The following PTK7 variants were observed in gnomAD, a reference collection of about 807,000 sequenced individuals.
PTK7 encodes the protein inactive tyrosine-protein kinase 7.
Under a neutral mutation model 116.6 loss-of-function variants are expected in PTK7, and 39 were observed. The observed-to-expected ratio is 0.33, with a 90% CI of 0.26 to 0.44. PTK7 has a LOEUF of 0.44. Among genes scored for constraint, PTK7 ranks in the 20% least tolerant of loss-of-function variants. The pLI is 1.00. For missense variants in PTK7, 1,169 were observed against 1,425.6 expected, an observed-to-expected ratio of 0.82 and a Z score of 2.90; for synonymous variants, 546 against 563.6, an observed-to-expected ratio of 0.97 and a Z score of 0.44.
intron 1 of PTK7, among the ~76,000 whole-genome samples, chr6:43,098,186 TG>T (rs1315915334): frequency 6.6e-6 from 1 of 152,050 alleles, no homozygotes; most frequent in Non-Finnish European, 1.5e-5. Flanking sequence ...ACATGGACTT[TG>T]GGGGCCCTTA....
Position 43,160,984 on chromosome 6 carries a change from C to G in PTK7, c.*103C>G. On this transcript the variant is annotated 3_prime_UTR_variant, in exon 20 of 20. Transcript: ENST00000230419. Reference sequence around the variant, plus strand: ...CCTGTCCTCCTGGGCCCTGAGGCCCCTGCCCTAGTGCAACAGGCATTGCTG... The same window carrying G: ...CCTGTCCTCCTGGGCCCTGAGGCCCGTGCCCTAGTGCAACAGGCATTGCTG... 1 of 1,418,950 alleles carries G rather than the reference C, an allele frequency of 7.0e-7. No individual in the cohort carries two copies. 87.9% of individuals were successfully genotyped at this position (1,418,950 alleles called of 1,614,324 possible). A position where few individuals can be genotyped will look rare whatever the true frequency, so the allele number is the denominator to read the frequency against.
chr6:43,129,570 C>T lies in PTK7; in HGVS notation c.368-157C>T. On this transcript the variant is annotated intron_variant, in intron 2 of 19. Transcript: ENST00000230419. The surrounding 1 kb of genome is among the most constrained non-coding windows in gnomAD (Gnocchi z 4.5). ...CAGGGACCAGGCAGGCACTTAGTATCTGGTAACTGTAGCCCCAGCCTCAGC... is the reference window on the plus strand; with the variant it reads ...CAGGGACCAGGCAGGCACTTAGTATTTGGTAACTGTAGCCCCAGCCTCAGC... The T allele has an allele frequency of 2.8e-6, 2 of 704,464 alleles. No individual in the cohort carries two copies. The highest frequency in any genetic ancestry group is 4.7e-6 in the Non-Finnish European group (2 of 424,254). The allele number at this position is 704,464 out of a possible 1,614,324, so 43.6% of individuals were successfully genotyped here.
chr6:43,157,349 TATATATATA>T lies in PTK7; in HGVS notation c.2722-1467_2722-1459del, dbSNP rs1320400793. On this transcript the variant is annotated intron_variant, in intron 17 of 19. Transcript: ENST00000230419. ...CGCTATATATATATATATATATATA[TATATATATA>T]TATATATTTTTTTTTTTCTTTTTTT... 6.8e-3 allele frequency among the ~76,000 whole-genome samples: 78 copies of T among 11,466 alleles called. 8 individuals carry two copies. Among genetic ancestry groups the T allele is most frequent in the South Asian group, 0.019 (7 of 362 alleles). 7.5% of individuals were successfully genotyped at this position (11,466 alleles called of 152,430 possible). A position where few individuals can be genotyped will look rare whatever the true frequency, so the allele number is the denominator to read the frequency against.
intron 1 of PTK7, among the ~76,000 whole-genome samples, chr6:43,101,225 AAAAG>A (rs201965213): frequency 2.1e-3 from 306 of 146,354 alleles, no homozygotes; most frequent in Middle Eastern, 3.6e-3. Flanking sequence ...CAAAAAAAAA[AAAAG>A]AAAGAAAGAA....
At chr6:43,124,326 C>T (rs1769148803) in intron 1 of PTK7, among the ~76,000 whole-genome samples, 1 of 152,216 alleles carries the variant, frequency 6.6e-6, no homozygotes, top group Non-Finnish European at 1.5e-5. Context: ...TCCCTTACTT[C>T]CCAGCTCCTT....
Position 43,123,633 on chromosome 6 carries a change from C to T in PTK7, c.80-5344C>T, listed in dbSNP as rs555576595. Among the ~76,000 whole-genome samples, 16 of 152,194 alleles carry T rather than the reference C, an allele frequency of 1.1e-4. No homozygotes were observed. The East Asian group carries it at 2.7e-3, about 26-fold the overall frequency. ...GGGGGTGGAGGGCAGGCACGGGAGA[C>T]GCAGGCAGAGTGAGTGTCTGCATAT... On this transcript the variant is annotated intron_variant, in intron 1 of 19. Coordinates refer to ENST00000230419, the MANE Select transcript of PTK7 (RefSeq NM_002821.5).
intron 1 of PTK7, among the ~76,000 whole-genome samples, chr6:43,109,268 G>A (rs1439944338): frequency 1.3e-5 from 2 of 151,950 alleles, no homozygotes; most frequent in Non-Finnish European, 2.9e-5. Flanking sequence ...CTTGAACTCC[G>A]GGGCTCAAGC....
chr6:43,131,757 C>G (rs1769694871), intron 5 of PTK7: 10 of 529,428 alleles, frequency 1.9e-5, no homozygotes, highest in South Asian at 1.0e-4. Context: ...ATATCACTCT[C>G]TCTCGCACCT....
At chr6:43,108,957 G>T (rs1768046512) in intron 1 of PTK7, among the ~76,000 whole-genome samples, 2 of 152,142 alleles carry the variant, frequency 1.3e-5, no homozygotes, top group African/African-American at 4.8e-5. Context: ...AGATATAGCT[G>T]TTCAAGAAAG....
rs1181956938 is a variant in PTK7, at chr6:43,114,806, T to G, written c.80-14171T>G. Among the ~76,000 whole-genome samples, 3 of 152,034 alleles carry G rather than the reference T, an allele frequency of 2.0e-5. No individual in the cohort carries two copies. The East Asian group carries it at 5.8e-4, about 29-fold the overall frequency. On this transcript the variant is annotated intron_variant, in intron 1 of 19. Transcript: ENST00000230419. ...TTAAAAATAACTTCTTTGGGAGGTC[T>G]AGGCAGGCGGATTGCCTGAGGTCAG... is the stretch of plus-strand genomic sequence containing the variant.
At chr6:43,144,851 C>A in intron 15 of PTK7, 1 of 421,032 alleles carries the variant, frequency 2.4e-6, no homozygotes, top group Non-Finnish European at 4.1e-6. Flanking sequence ...TAAATTGACT[C>A]TTTAAAAAAA....
chr6:43,156,125 AGGC>A (rs1334720214), intron 17 of PTK7, among the ~76,000 whole-genome samples: 1 of 142,044 alleles, frequency 7.0e-6, no homozygotes, highest in Non-Finnish European at 1.5e-5. Context: ...GCTGCTTGGG[AGGC>A]TGAGGCACGA....
At position 43,076,474 on chromosome 6, in the gene PTK7, C is replaced by T. The variant is rs1036070114; in HGVS notation, c.-15C>T. 1.9e-6 allele frequency: 3 copies of T among 1,558,788 alleles called. No homozygotes were observed. Among genetic ancestry groups the T allele is most frequent in the African/African-American group, 1.4e-5 (1 of 70,640 alleles). On this transcript the variant is annotated 5_prime_UTR_variant, in exon 1 of 20. Coordinates refer to ENST00000230419, the MANE Select transcript of PTK7 (RefSeq NM_002821.5). The surrounding 1 kb of genome is among the most constrained non-coding windows in gnomAD (Gnocchi z 5.7). ...CCGCCGTGCGCCCTCAGCTCCTTTTCCTGAGCCCGCCGCGATGGGAGCTGC... is the reference window on the plus strand; with the variant it reads ...CCGCCGTGCGCCCTCAGCTCCTTTTTCTGAGCCCGCCGCGATGGGAGCTGC...
At chr6:43,147,572 AG>A (rs1238182096) in intron 17 of PTK7, among the ~76,000 whole-genome samples, 2 of 152,210 alleles carry the variant, frequency 1.3e-5, no homozygotes, top group East Asian at 3.8e-4. Context: ...CCTTTCTCCC[AG>A]GGGACCATTC....
Position 43,159,984 on chromosome 6 carries a change from T to C in PTK7, c.3052+18T>C. 1.2e-6 allele frequency: 2 copies of C among 1,607,122 alleles called. No homozygotes were observed. Among genetic ancestry groups the C allele is most frequent in the South Asian group, 1.1e-5 (1 of 89,954 alleles). On this transcript the variant is annotated intron_variant, in intron 19 of 19. Coordinates refer to ENST00000230419, the MANE Select transcript of PTK7 (RefSeq NM_002821.5). ...ACTGGCAGGTAGGCAGCCTTGCTGC[T>C]AGGGGATGATTCCAGATGGGCCCCA...
intron 1 of PTK7, among the ~76,000 whole-genome samples, chr6:43,110,021 G>C (rs1768106298): frequency 8.6e-6 from 1 of 116,358 alleles, no homozygotes; most frequent in Non-Finnish European, 1.7e-5. Context: ...TTTTGAGACA[G>C]AGTCTCGCTG....
intron 1 of PTK7, among the ~76,000 whole-genome samples, chr6:43,085,739 G>C (rs1766613118): frequency 1.3e-5 from 2 of 150,776 alleles, no homozygotes; most frequent in South Asian, 4.3e-4. Context: ...TTCGAGACCA[G>C]CCTGACCAAA....
At chr6:43,080,224 C>T (rs965103979) in intron 1 of PTK7, among the ~76,000 whole-genome samples, 6 of 151,458 alleles carry the variant, frequency 4.0e-5, no homozygotes, top group Non-Finnish European at 7.4e-5. Context: ...TGGTGGCAGG[C>T]GCCTGTAGTC....
chr6:43,116,656 G>GCGCA (rs879471153), intron 1 of PTK7, among the ~76,000 whole-genome samples: 2 of 127,724 alleles, frequency 1.6e-5, no homozygotes, highest in South Asian at 5.0e-4. Context: ...GTGTGTGCGC[G>GCGCA]CGCACGCACG....
Sources: gnomAD v4.1 joint callset for allele counts (sites outside exome capture counted in the v4.1 genomes callset) on GRCh38, gnomAD v4.1.1 for gene constraint, Gnocchi (gnomAD v3.1) non-coding constraint, MANE v1.5 for transcripts, NCBI Gene and HGNC (gene_info 2026-07-23, HGNC 2026-07-21) for gene names.